The following MFSD2A variants were observed in gnomAD, a reference collection of about 807,000 sequenced individuals.
MFSD2A encodes MFSD2 lysolipid transporter A, lysophospholipid.
A neutral mutation model predicts 64.7 loss-of-function variants in MFSD2A; 27 were observed. The observed-to-expected ratio is 0.42, with a 90% CI of 0.31 to 0.58. MFSD2A has a LOEUF of 0.58. Ranked by LOEUF, MFSD2A falls within the 20% of genes least tolerant of loss-of-function variation. The pLI, the probability that MFSD2A is intolerant of heterozygous loss-of-function variation, is 0.18. For synonymous variants in MFSD2A, 258 were observed against 273.4 expected (o/e 0.94, Z 0.55); for missense variants, 474 against 679.5 (o/e 0.70, Z 3.36).
intron 3 of MFSD2A, chr1:39,962,709 G>A: frequency 2.5e-6 from 2 of 789,252 alleles, no homozygotes; most frequent in South Asian, 2.9e-5. Context: ...CTGAGGCAAG[G>A]CCGAGGATAA....
Position 39,965,874 on chromosome 1 carries a change from C to T in MFSD2A, c.574C>T (p.Leu192=), listed in dbSNP as rs1170732036. ...CCTGCCAGGGATGACTGTGGAAGTG[C>T]TGGGCACAGTGCTGGGCACGGCGAT... The part of the protein sequence containing the change: ...ATAYRMTVEV[L]GTVLGTAIQG... The change falls in exon 6 of 14, where the codon CTG becomes TTG. Residue 192 remains leucine (L), a synonymous_variant. Transcript: ENST00000372811. This position sits in a 1 kb window ranked among gnomAD's most constrained non-coding sequence, Gnocchi z 5.5. 6.2e-7 allele frequency: 1 copy of T among 1,613,830 alleles called. No individual in the cohort carries two copies. The highest frequency in any genetic ancestry group is 1.3e-5 in the African/African-American group (1 of 74,880).
At chr1:39,961,191 G>A (rs1645032843) in intron 3 of MFSD2A, among the ~76,000 whole-genome samples, 1 of 151,984 alleles carries the variant, frequency 6.6e-6, no homozygotes, top group South Asian at 2.1e-4. Context: ...TCCTTTCAGT[G>A]TAGGAAGAAA....
Position 39,967,070 on chromosome 1 carries a change from C to T in MFSD2A, c.928-16C>T. 6.2e-7 allele frequency: 1 copy of T among 1,613,760 alleles called. No homozygotes were observed. The highest frequency in any genetic ancestry group is 8.5e-7 in the Non-Finnish European group (1 of 1,179,770). On this transcript the variant is annotated splice_polypyrimidine_tract_variant and intron_variant, in intron 8 of 13. Transcript: ENST00000372811. ...TCCTTCCTTGCATTTCCTTCCCTAC[C>T]TTGCTCCATGCCCAGCTGGTGGAGG...
chr1:39,963,110 C>A lies in MFSD2A; in HGVS notation c.354-2101C>A. ...TCCCTTGCAAGGTGACAGGCCGCTG[C>A]GGCTCTGTGCTGGTGCGTCTCATCC... is the stretch of plus-strand genomic sequence containing the variant. On this transcript the variant is annotated intron_variant, in intron 3 of 13. Transcript: ENST00000372811. The surrounding 1 kb of genome is among the most constrained non-coding windows in gnomAD (Gnocchi z 4.2). 7.4e-7 allele frequency: 1 copy of A among 1,353,036 alleles called. No individual in the cohort carries two copies. The highest frequency in any genetic ancestry group is 1.0e-6 in the Non-Finnish European group (1 of 972,794). The allele number at this position is 1,353,036 out of a possible 1,614,324, so 83.8% of individuals were successfully genotyped here. A position where few individuals can be genotyped will look rare whatever the true frequency, so the allele number is the denominator to read the frequency against.
intron 2 of MFSD2A, 147 bp downstream of exon 2, chr1:39,957,368 A>T: frequency 1.2e-6 from 1 of 815,298 alleles, no homozygotes; most frequent in Non-Finnish European, 1.9e-6. Flanking sequence ...TGAGCAAGAA[A>T]TGAGAAGACC....
chr1:39,958,949 A>G lies in MFSD2A; in HGVS notation c.353+124A>G. The G allele has an allele frequency of 8.3e-7, 1 of 1,211,160 alleles. No individual in the cohort carries two copies. Among genetic ancestry groups the G allele is most frequent in the Non-Finnish European group, 1.1e-6 (1 of 872,058 alleles). 75.0% of individuals were successfully genotyped at this position (1,211,160 alleles called of 1,614,324 possible). A position where few individuals can be genotyped will look rare whatever the true frequency, so the allele number is the denominator to read the frequency against. On this transcript the variant is annotated intron_variant, in intron 3 of 13. Transcript: ENST00000372811. The surrounding 1 kb of genome is among the most constrained non-coding windows in gnomAD (Gnocchi z 4.7). Reference sequence around the variant, plus strand: ...GGAGAAGGAAGGAGTTAAAAGCCCAAGGGTGTTGAAACCCCATCCGAGGCA... The same window carrying G: ...GGAGAAGGAAGGAGTTAAAAGCCCAGGGGTGTTGAAACCCCATCCGAGGCA...
Position 39,969,581 on chromosome 1 carries a change from TGCCCGAA to T in MFSD2A, c.*17_*23del, listed in dbSNP as rs748657336. 1.2e-5 allele frequency: 19 copies of T among 1,609,054 alleles called. No homozygotes were observed. The African/African-American group carries it at 2.3e-4, about 19-fold the overall frequency. ...TAGCATCCTCTAGGGCCCGCCACGTTGCCCGAAGCCACCATGCAGAAGGCCACAGAAG... is the reference window on the plus strand; with the variant it reads ...TAGCATCCTCTAGGGCCCGCCACGTTGCCACCATGCAGAAGGCCACAGAAG... On this transcript the variant is annotated 3_prime_UTR_variant, in exon 14 of 14. Transcript: ENST00000372811.
Position 39,955,324 on chromosome 1 carries a change from C to A in MFSD2A, c.32C>A (p.Ser11Tyr). The A allele has an allele frequency of 1.4e-6, 2 of 1,446,500 alleles. No individual in the cohort carries two copies. Among genetic ancestry groups the A allele is most frequent in the South Asian group, 3.1e-5 (2 of 65,484 alleles). The allele number at this position is 1,446,500 out of a possible 1,614,324, so 89.6% of individuals were successfully genotyped here. A position where few individuals can be genotyped will look rare whatever the true frequency, so the allele number is the denominator to read the frequency against. Reference sequence around the variant, plus strand: ...AAAGGAGAAGGCGCCGAGAGCGGCTCCGCGGCGGGGCTGCTACCCACCAGC... The same window carrying A: ...AAAGGAGAAGGCGCCGAGAGCGGCTACGCGGCGGGGCTGCTACCCACCAGC... MAKGEGAESG[S>Y]AAGLLPTSIL... The change falls in exon 1 of 14, where the codon TCC becomes TAC. Residue 11 changes from serine to tyrosine, a missense_variant. Ser to Tyr is a moderately radical substitution (Grantham distance 144, BLOSUM62 -2). Coordinates refer to ENST00000372811, the MANE Select transcript of MFSD2A (RefSeq NM_032793.5). This position sits in a 1 kb window ranked among gnomAD's most constrained non-coding sequence, Gnocchi z 5.9.
chr1:39,959,983 C>T (rs1287642073), intron 3 of MFSD2A, among the ~76,000 whole-genome samples: 1 of 152,218 alleles, frequency 6.6e-6, no homozygotes, highest in African/African-American at 2.4e-5. Context: ...ATTTGGCACC[C>T]CTTCAGGGTG....
chr1:39,968,200 T>A lies in MFSD2A; in HGVS notation c.1209-134T>A, dbSNP rs1296515283. 3 of 1,065,006 alleles carry A rather than the reference T, an allele frequency of 2.8e-6. No individual in the cohort carries two copies. The African/African-American group carries it at 4.8e-5, about 17-fold the overall frequency. The allele number at this position is 1,065,006 out of a possible 1,614,324, so 66.0% of individuals were successfully genotyped here. A position where few individuals can be genotyped will look rare whatever the true frequency, so the allele number is the denominator to read the frequency against. ...TCTTAGAGCAAGAGGCCTTTTCTTATTCATGTGAAGGTCCCATATCCTCAC... is the reference window on the plus strand; with the variant it reads ...TCTTAGAGCAAGAGGCCTTTTCTTAATCATGTGAAGGTCCCATATCCTCAC... On this transcript the variant is annotated intron_variant, in intron 11 of 13. Coordinates refer to ENST00000372811, the MANE Select transcript of MFSD2A (RefSeq NM_032793.5). The surrounding 1 kb of genome is among the most constrained non-coding windows in gnomAD (Gnocchi z 4.4).
rs1644918602 is a variant in MFSD2A at position 39,955,922 on chromosome 1, AC to A, written c.93+539del. ...CGGGAACGGTGCTTTGCGCATCGAG[AC>A]CATCGACCACATCCCCAGCCCTGGG... On this transcript the variant is annotated intron_variant, in intron 1 of 13. Transcript: ENST00000372811. This position sits in a 1 kb window ranked among gnomAD's most constrained non-coding sequence, Gnocchi z 5.9. 9.6e-6 allele frequency: 2 copies of A among 207,402 alleles called. No homozygotes were observed. Among genetic ancestry groups the A allele is most frequent in the African/African-American group, 4.8e-5 (2 of 42,032 alleles). 12.8% of individuals were successfully genotyped at this position (207,402 alleles called of 1,614,324 possible). A position where few individuals can be genotyped will look rare whatever the true frequency, so the allele number is the denominator to read the frequency against.
At chr1:39,969,143 G>A (rs1432934292) in intron 13 of MFSD2A, among the ~76,000 whole-genome samples, 3 of 152,154 alleles carry the variant, frequency 2.0e-5, no homozygotes, top group Admixed American at 1.3e-4. Flanking sequence ...GCGGAGCTGG[G>A]GTTTGAGCCT....
chr1:39,956,769 A>G (rs1644937425), intron 1 of MFSD2A, among the ~76,000 whole-genome samples: 2 of 151,878 alleles, frequency 1.3e-5, no homozygotes, highest in African/African-American at 2.4e-5. Context: ...ACAAAAAATT[A>G]GCTGGGTGTG....
intron 3 of MFSD2A, chr1:39,962,972 G>C (rs1047126059): frequency 1.3e-6 from 2 of 1,541,382 alleles, no homozygotes; most frequent in African/African-American, 1.4e-5. Flanking sequence ...TGGGTGTTAA[G>C]TGCTCCAAGG....
Position 39,968,499 on chromosome 1 carries a change from G to A in MFSD2A, c.1352+22G>A, listed in dbSNP as rs753543338. The A allele has an allele frequency of 3.7e-6, 6 of 1,613,696 alleles. No homozygotes were observed. The highest frequency in any genetic ancestry group is 1.3e-5 in the African/African-American group (1 of 74,820). On this transcript the variant is annotated intron_variant, in intron 12 of 13. Coordinates refer to ENST00000372811, the MANE Select transcript of MFSD2A (RefSeq NM_032793.5). The surrounding 1 kb of genome is among the most constrained non-coding windows in gnomAD (Gnocchi z 4.4). ...TGGAGTGAGTGGGGTGGGGACCTGG[G>A]GCAGGACTGGGCAGGGCCAGGCCCC... is the stretch of plus-strand genomic sequence containing the variant.
rs774715350 is a variant in MFSD2A at position 39,966,624 on chromosome 1, G to A, written c.738G>A (p.Ala246=). ...RETQKAYLLA[A]GVIVCIYIIC... is the part of the protein sequence containing the mutation. Reference sequence around the variant, plus strand: ...AGCAAAAGGCATACCTGCTGGCAGCGGGGGTCATTGTCTGTATCTATATAA... The same window carrying A: ...AGCAAAAGGCATACCTGCTGGCAGCAGGGGTCATTGTCTGTATCTATATAA... The change falls in exon 7 of 14, where the codon GCG becomes GCA. Residue 246 remains alanine (A), a synonymous_variant. Transcript: ENST00000372811. 13 of 1,613,468 alleles carry A rather than the reference G, an allele frequency of 8.1e-6. No individual in the cohort carries two copies. The highest frequency in any genetic ancestry group is 3.3e-5 in the South Asian group (3 of 90,990).
rs561100114 is a variant in MFSD2A, at chr1:39,969,835, T to C, written c.*267T>C. The C allele has an allele frequency of 7.6e-6, 3 of 393,634 alleles. No individual in the cohort carries two copies. The South Asian group carries it at 9.6e-5, about 13-fold the overall frequency. The allele number at this position is 393,634 out of a possible 1,614,324, so 24.4% of individuals were successfully genotyped here. A position where few individuals can be genotyped will look rare whatever the true frequency, so the allele number is the denominator to read the frequency against. On this transcript the variant is annotated 3_prime_UTR_variant, in exon 14 of 14. Coordinates refer to ENST00000372811, the MANE Select transcript of MFSD2A (RefSeq NM_032793.5). The stretch of plus-strand genomic sequence containing the variant: ...TCGGGCCTAGCCCGGAACACTAATG[T>C]AGAAACCTTTTTTTTTACAGAGCCT...
rs944764604 is a variant in MFSD2A, at chr1:39,964,457, C to T, written c.354-754C>T. 1 of 152,220 alleles carries T rather than the reference C, an allele frequency of 6.6e-6. No individual in the cohort carries two copies. The highest frequency in any genetic ancestry group is 1.5e-5 in the Non-Finnish European group (1 of 68,054). The allele number at this position is 152,220 out of a possible 1,614,324, so 9.4% of individuals were successfully genotyped here. A position where few individuals can be genotyped will look rare whatever the true frequency, so the allele number is the denominator to read the frequency against. ...GAATCCCTGAAGAGTGGCTCAAAGG[C>T]CTTTCTCTTTACCATGGCCTGTGCT... On this transcript the variant is annotated intron_variant, in intron 3 of 13. Transcript: ENST00000372811. This position sits in a 1 kb window ranked among gnomAD's most constrained non-coding sequence, Gnocchi z 4.1.
intron 2 of MFSD2A, 59 bp downstream of exon 2, chr1:39,957,280 A>C: frequency 6.7e-7 from 1 of 1,488,766 alleles, no homozygotes; most frequent in South Asian, 1.4e-5. Context: ...AAGACTATGC[A>C]CCCCTGGGTC....
Sources: gnomAD v4.1 joint callset for allele counts (sites outside exome capture counted in the v4.1 genomes callset) on GRCh38, gnomAD v4.1.1 for gene constraint, Gnocchi (gnomAD v3.1) non-coding constraint, MANE v1.5 for transcripts, NCBI Gene and HGNC (gene_info 2026-07-23, HGNC 2026-07-21) for gene names.